The following PSMD11 variants were observed in gnomAD, a reference collection of about 807,000 sequenced individuals.
PSMD11 encodes proteasome 26S subunit, non-ATPase 11.
PSMD11 carries 5 observed loss-of-function variants against 62.3 expected under a neutral mutation model. The ratio of observed to expected loss-of-function variants is 0.08; its 90% confidence interval spans 0.04 to 0.17. The LOEUF (loss-of-function observed/expected upper bound fraction) is 0.17, where lower values mean the gene tolerates loss of function less well. Ranked by LOEUF, PSMD11 falls within the 10% of genes least tolerant of loss-of-function variation. The pLI is 1.00. For synonymous variants in PSMD11, 191 were observed against 191.8 expected (o/e 1.00, Z 0.03); for missense variants, 310 against 512.9 (o/e 0.60, Z 3.82).
chr17:32,455,970 C>T (rs982680647), intron 3 of PSMD11, among the ~76,000 whole-genome samples: 5 of 151,580 alleles, frequency 3.3e-5, no homozygotes, highest in African/African-American at 9.7e-5. Context: ...GGTGAAACCC[C>T]GTTTCTACTA....
intron 6 of PSMD11, 61 bp from the exon 7 acceptor site, chr17:32,473,740 C>T: frequency 2.5e-6 from 4 of 1,574,842 alleles, no homozygotes; most frequent in Non-Finnish European, 3.5e-6. Context: ...TGCCTCCCAG[C>T]TCTGATCTTT....
In PSMD11 at chr17:32,472,851, T is replaced by C. The variant is rs1453162606; in HGVS notation, c.644-950T>C. Among the ~76,000 whole-genome samples, 5 of 150,852 alleles carry C rather than the reference T, an allele frequency of 3.3e-5. No homozygotes were observed. The East Asian group carries it at 5.9e-4, about 18-fold the overall frequency. On this transcript the variant is annotated intron_variant, in intron 6 of 13. Transcript: ENST00000261712. ...CATGCCCGGCCTTTTTCTTTTTTTT[T>C]TTTTTTTTTAAGAGACAAGGTCGGC...
In PSMD11 at chr17:32,483,305, T is replaced by C. The variant is rs887313582; in HGVS notation, c.*2553T>C. 2 of 152,250 alleles carry C rather than the reference T, an allele frequency of 1.3e-5. No homozygotes were observed. The highest frequency in any genetic ancestry group is 1.3e-4 in the Admixed American group (2 of 15,284). The allele number at this position is 152,250 out of a possible 1,614,324, so 9.4% of individuals were successfully genotyped here. On this transcript the variant is annotated 3_prime_UTR_variant, in exon 14 of 14. Coordinates refer to ENST00000261712, the MANE Select transcript of PSMD11 (RefSeq NM_002815.4). ...TTTGGGTATTGGGTTAAATAAAATA[T>C]ATTATTAAAATTCACCTGTTTCCCT...
intron 5 of PSMD11, among the ~76,000 whole-genome samples, chr17:32,468,383 C>T (rs1300553579): frequency 6.6e-6 from 1 of 152,046 alleles, no homozygotes; most frequent in Non-Finnish European, 1.5e-5. Flanking sequence ...TTTGGTGTTA[C>T]ATCTAAGAAA....
intron 5 of PSMD11, among the ~76,000 whole-genome samples, chr17:32,467,595 T>G (rs1908034841): frequency 1.3e-5 from 2 of 152,146 alleles, no homozygotes; most frequent in Non-Finnish European, 2.9e-5. Flanking sequence ...TTGCTTATTT[T>G]TTAATTGGTT....
intron 3 of PSMD11, among the ~76,000 whole-genome samples, chr17:32,458,596 G>C (rs1167758390): frequency 1.3e-5 from 2 of 152,132 alleles, no homozygotes; most frequent in Non-Finnish European, 2.9e-5. Context: ...CTCCTTTACT[G>C]TAATACAATC....
intron 8 of PSMD11, among the ~76,000 whole-genome samples, chr17:32,476,067 C>T (rs1301751078): frequency 1.3e-5 from 2 of 151,906 alleles, no homozygotes; most frequent in Non-Finnish European, 2.9e-5. Flanking sequence ...AGTTTGAGAG[C>T]AGCCTGGCCA....
At chr17:32,458,748 C>CTGGCCTTA in intron 3 of PSMD11, among the ~76,000 whole-genome samples, 1 of 152,300 alleles carries the variant, frequency 6.6e-6, no homozygotes, top group African/African-American at 2.4e-5. Flanking sequence ...GCTGTAATTA[C>CTGGCCTTA]TGGCCTTATT....
At chr17:32,463,655 C>T (rs1414551450) in intron 3 of PSMD11, among the ~76,000 whole-genome samples, 2 of 152,120 alleles carry the variant, frequency 1.3e-5, no homozygotes, top group Admixed American at 6.6e-5. Context: ...GAATTTCTCC[C>T]CTTTATTACC....
At position 32,444,552 on chromosome 17, in the gene PSMD11, A is replaced by G. The variant is rs767686476; in HGVS notation, c.29A>G (p.Gln10Arg). 1 of 1,610,530 alleles carries G rather than the reference A, an allele frequency of 6.2e-7. No homozygotes were observed. Among genetic ancestry groups the G allele is most frequent in the Non-Finnish European group, 8.5e-7 (1 of 1,178,824 alleles). The change falls in exon 1 of 14, where the codon CAG becomes CGG. Residue 10 changes from glutamine (Q) to arginine (R), a missense_variant. By Grantham distance (43) the Gln-to-Arg change is conservative. Around this residue, in one of 6 missense-constraint regions of PSMD11, gnomAD observed 28 missense variants for 21.2 expected, o/e 1.32. Transcript: ENST00000261712. ...GCGGCGGCGGCGGTGGTGGAGTTCC[A>G]GAGAGCCCAGTCTCTACTCAGCACC... Reference protein sequence around the residue: MAAAAVVEFQRAQSLLSTDR... With the variant: MAAAAVVEFRRAQSLLSTDR...
At position 32,480,542 on chromosome 17, in the gene PSMD11, G is replaced by A; in HGVS notation, c.1180G>A (p.Asp394Asn). Residue 394 changes from aspartate to asparagine, a missense_variant, in exon 13 of 14, where the codon GAT (aspartate) becomes AAT (asparagine). Coordinates refer to ENST00000261712, the MANE Select transcript of PSMD11 (RefSeq NM_002815.4). Reference protein sequence around the residue: ...VLIIFDEPPVDKTYEAALETI... With the variant: ...VLIIFDEPPVNKTYEAALETI... ...GATTATTTTCGATGAACCCCCAGTA[G>A]ATAAAACTTACGAAGCTGCTCTGGA... 1 of 1,614,126 alleles carries A rather than the reference G, an allele frequency of 6.2e-7. No individual in the cohort carries two copies. The highest frequency in any genetic ancestry group is 8.5e-7 in the Non-Finnish European group (1 of 1,179,986).
At chr17:32,479,934 G>C (rs774986217) in intron 11 of PSMD11, 48 bp downstream of exon 11, 1 of 1,591,246 alleles carries the variant, frequency 6.3e-7, no homozygotes, top group Non-Finnish European at 8.6e-7. Context: ...ACGGGGTGGC[G>C]AGGAGGGGTG....
chr17:32,479,793 CTTA>C, intron 10 of PSMD11, 55 bp from the exon 11 acceptor site: 1 of 1,559,858 alleles, frequency 6.4e-7, no homozygotes, highest in Admixed American at 1.7e-5. Flanking sequence ...CCTCCCTTCT[CTTA>C]TTGGAGGCAA....
chr17:32,450,554 A>T (rs1907463641), intron 2 of PSMD11, among the ~76,000 whole-genome samples: 1 of 150,344 alleles, frequency 6.7e-6, no homozygotes, highest in South Asian at 2.2e-4. Flanking sequence ...GGTGTGAGCC[A>T]CCGCGCCCAG....
chr17:32,472,589 G>A (rs1449937569), intron 6 of PSMD11, among the ~76,000 whole-genome samples: 2 of 150,716 alleles, frequency 1.3e-5, no homozygotes, highest in African/African-American at 2.4e-5. Context: ...CCAAGTTGGA[G>A]TGCTGTGGCG....
intron 3 of PSMD11, among the ~76,000 whole-genome samples, chr17:32,461,237 C>G (rs992727027): frequency 6.6e-6 from 1 of 151,926 alleles, no homozygotes; most frequent in Non-Finnish European, 1.5e-5. Flanking sequence ...ACCACCACAC[C>G]CTGCTAATTT....
Position 32,483,090 on chromosome 17 carries a change from C to T in PSMD11, c.*2338C>T, listed in dbSNP as rs1567860812. 6.6e-6 allele frequency: 1 copy of T among 152,170 alleles called. No individual in the cohort carries two copies. The highest frequency in any genetic ancestry group is 2.4e-5 in the African/African-American group (1 of 41,430). 9.4% of individuals were successfully genotyped at this position (152,170 alleles called of 1,614,324 possible). A position where few individuals can be genotyped will look rare whatever the true frequency, so the allele number is the denominator to read the frequency against. The stretch of plus-strand genomic sequence containing the variant: ...TTGCGGGTCTTGGTCAGATGATGCC[C>T]TCTAGACCCGTGCTGTCCAATATGT... On this transcript the variant is annotated 3_prime_UTR_variant, in exon 14 of 14. Coordinates refer to ENST00000261712, the MANE Select transcript of PSMD11 (RefSeq NM_002815.4).
intron 5 of PSMD11, among the ~76,000 whole-genome samples, chr17:32,465,469 A>C (rs1048012975): frequency 6.6e-6 from 1 of 152,112 alleles, no homozygotes; most frequent in African/African-American, 2.4e-5. Context: ...ACAAAAGAAC[A>C]TGGCTCTTAT....
rs181914900 is a variant in PSMD11, at chr17:32,455,988, A to G, written c.318+1369A>G. On this transcript the variant is annotated intron_variant, in intron 3 of 13. Transcript: ENST00000261712. ...GAAACCCCGTTTCTACTAAAAATAA[A>G]AAAAAATTAGCCAGGTGTGGTGGTG... 2.8e-4 allele frequency among the ~76,000 whole-genome samples: 43 copies of G among 151,958 alleles called. No homozygotes were observed. The East Asian group carries it at 5.9e-3, about 21-fold the overall frequency.
Sources: allele counts gnomAD v4.1 joint callset (sites outside exome capture counted in the v4.1 genomes callset), GRCh38; gene constraint gnomAD v4.1.1; regional missense constraint gnomAD v4.1.1; transcripts MANE v1.5; gene names NCBI Gene and HGNC (gene_info 2026-07-23, HGNC 2026-07-21).